The following PID1 variants were observed in gnomAD, a reference collection of about 807,000 sequenced individuals.
PID1 encodes the protein phosphotyrosine interaction domain containing 1.
Under a neutral mutation model 19.1 loss-of-function variants are expected in PID1, and 10 were observed. The observed-to-expected ratio is 0.52, with a 90% CI of 0.32 to 0.89. The LOEUF (loss-of-function observed/expected upper bound fraction) is 0.89. PID1 is among the 40% of genes least tolerant of loss of function. The pLI is 0.03. For missense variants in PID1, 248 were observed against 285.3 expected, an observed-to-expected ratio of 0.87 and a Z score of 0.94; for synonymous variants, 130 against 116.0, an observed-to-expected ratio of 1.12 and a Z score of -0.78.
chr2:229,061,572 T>G lies in PID1; in HGVS notation c.178-35464A>C, dbSNP rs13405193. ...CCAGTTTTGTTCTTTTTGCTCAAGATTGCTTTCACTATTTGGGGTGTTTTA... is the reference window on the plus strand; with the variant it reads ...CCAGTTTTGTTCTTTTTGCTCAAGAGTGCTTTCACTATTTGGGGTGTTTTA... On this transcript the variant is annotated intron_variant, in intron 2 of 2. Coordinates refer to ENST00000392055, the MANE Select transcript of PID1 (RefSeq NM_001100818.2). Among the ~76,000 whole-genome samples, 3 of 151,982 alleles carry G rather than the reference T, an allele frequency of 2.0e-5. No individual in the cohort carries two copies. In the South Asian group the frequency reaches 6.2e-4, roughly 31 times the overall value.
At position 229,127,178 on chromosome 2, in the gene PID1, T is replaced by C. The variant is rs577252731; in HGVS notation, c.177+28640A>G. ...CAAAGTAGGAAATGTTGTTAAGCTG[T>C]GTGTCCAGGAGGAAAGGGGAAAGAA... On this transcript the variant is annotated intron_variant, in intron 2 of 2. Transcript: ENST00000392055. Among the ~76,000 whole-genome samples the C allele has an allele frequency of 2.6e-5, 4 of 152,354 alleles. No homozygotes were observed. In the South Asian group the frequency reaches 8.3e-4, roughly 32 times the overall value.
chr2:229,152,712 C>A (rs1690283105), intron 2 of PID1, among the ~76,000 whole-genome samples: 1 of 151,692 alleles, frequency 6.6e-6, no homozygotes, highest in African/African-American at 2.4e-5. Context: ...ACCCAGCTGC[C>A]CGAAACATGA....
chr2:229,245,225 A>C (rs1221573592), intron 1 of PID1, among the ~76,000 whole-genome samples: 2 of 152,126 alleles, frequency 1.3e-5, no homozygotes, highest in Non-Finnish European at 2.9e-5. Flanking sequence ...TTTGGAGCAC[A>C]TGACTTCATA....
rs74720634 is a variant in PID1, at chr2:229,025,286, C to T, written c.*346G>A. ...AATTTCATAAGGCAGATCGGAATGG[C>T]CCATCCAATAACAGCTGCAGAGTAT... On this transcript the variant is annotated 3_prime_UTR_variant, in exon 3 of 3. Coordinates refer to ENST00000392055, the MANE Select transcript of PID1 (RefSeq NM_001100818.2). 0.012 allele frequency: 3,044 copies of T among 251,560 alleles called. 34 individuals carry two copies. Among genetic ancestry groups the T allele is most frequent in the Middle Eastern group, 0.022 (15 of 680 alleles). The allele number at this position is 251,560 out of a possible 1,614,324, so 15.6% of individuals were successfully genotyped here. A position where few individuals can be genotyped will look rare whatever the true frequency, so the allele number is the denominator to read the frequency against.
intron 1 of PID1, among the ~76,000 whole-genome samples, chr2:229,198,785 A>G (rs1034091254): frequency 6.6e-6 from 1 of 152,042 alleles, no homozygotes; most frequent in Non-Finnish European, 1.5e-5. Flanking sequence ...ACTTTCTCCC[A>G]TGCTATAGCC....
At chr2:229,219,419 A>T (rs1013331902) in intron 1 of PID1, among the ~76,000 whole-genome samples, 3 of 152,190 alleles carry the variant, frequency 2.0e-5, no homozygotes, top group African/African-American at 7.2e-5. Context: ...TGTTGTGAGA[A>T]CTATCACGAG....
intron 2 of PID1, among the ~76,000 whole-genome samples, chr2:229,082,385 G>A (rs1694685135): frequency 6.6e-6 from 1 of 152,326 alleles, no homozygotes; most frequent in Admixed American, 6.5e-5. Context: ...TTACCCCATG[G>A]TGTTACTCCA....
At chr2:229,068,736 A>G (rs1467884206) in intron 2 of PID1, among the ~76,000 whole-genome samples, 3 of 152,214 alleles carry the variant, frequency 2.0e-5, no homozygotes, top group African/African-American at 7.2e-5. Context: ...AGCCGCCCGC[A>G]AGGGTATCCA....
At chr2:229,123,109 A>C (rs2106160059) in intron 2 of PID1, among the ~76,000 whole-genome samples, 1 of 152,248 alleles carries the variant, frequency 6.6e-6, no homozygotes, top group South Asian at 2.1e-4. Flanking sequence ...CATCACCACA[A>C]TCTAATTTTA....
At chr2:229,186,605 C>T (rs901029126) in intron 1 of PID1, among the ~76,000 whole-genome samples, 6 of 152,182 alleles carry the variant, frequency 3.9e-5, no homozygotes, top group African/African-American at 1.4e-4. Flanking sequence ...GCACCAAGTC[C>T]CTAGGCTGCA....
At chr2:229,101,177 G>C (rs1174193884) in intron 2 of PID1, among the ~76,000 whole-genome samples, 3 of 152,224 alleles carry the variant, frequency 2.0e-5, no homozygotes, top group Non-Finnish European at 4.4e-5. Flanking sequence ...TGTCAGGACA[G>C]AGTGGCAAAT....
intron 2 of PID1, among the ~76,000 whole-genome samples, chr2:229,128,716 G>A (rs1689642008): frequency 6.6e-6 from 1 of 152,058 alleles, no homozygotes; most frequent in Admixed American, 6.5e-5. Flanking sequence ...GGGCATTTAT[G>A]TTCATTTTCT....
intron 1 of PID1, among the ~76,000 whole-genome samples, chr2:229,163,648 A>AGT (rs1490061471): frequency 1.5e-3 from 198 of 132,946 alleles, no homozygotes; most frequent in African/African-American, 5.0e-3. Flanking sequence ...GGAGAGAGAG[A>AGT]GAGTGTGTGT....
intron 2 of PID1, among the ~76,000 whole-genome samples, chr2:229,031,347 C>G (rs1474410877): frequency 6.6e-6 from 1 of 151,706 alleles, no homozygotes; most frequent in Non-Finnish European, 1.5e-5. Context: ...CACTTGAGGT[C>G]AGGAGTTCAA....
intron 2 of PID1, among the ~76,000 whole-genome samples, chr2:229,140,473 G>A (rs754073717): frequency 1.4e-5 from 2 of 140,356 alleles, no homozygotes; most frequent in Admixed American, 1.4e-4. Flanking sequence ...CAGATTTAAG[G>A]TAATTAAAAG....
At chr2:229,059,931 T>A (rs1403887353) in intron 2 of PID1, among the ~76,000 whole-genome samples, 1 of 152,094 alleles carries the variant, frequency 6.6e-6, no homozygotes, top group African/African-American at 2.4e-5. Context: ...CAAACAACAC[T>A]TAGAATCAGT....
chr2:229,163,124 A>G (rs981768701), intron 1 of PID1, among the ~76,000 whole-genome samples: 1 of 152,172 alleles, frequency 6.6e-6, no homozygotes, highest in Non-Finnish European at 1.5e-5. Context: ...AACATTTTTC[A>G]TGCTAAGAGT....
At chr2:229,144,457 A>T (rs933315747) in intron 2 of PID1, among the ~76,000 whole-genome samples, 7 of 152,178 alleles carry the variant, frequency 4.6e-5, no homozygotes, top group African/African-American at 1.2e-4. Context: ...TGGAAAATTA[A>T]GTGTAGGTGT....
chr2:229,026,281 A>G (rs905566076), intron 2 of PID1, among the ~76,000 whole-genome samples, 173 bp from the exon 3 acceptor site: 9 of 152,194 alleles, frequency 5.9e-5, no homozygotes, highest in African/African-American at 2.2e-4. Context: ...TTTCTCTCTA[A>G]TGAGTTGCCT....
Sources: gnomAD v4.1 joint callset for allele counts (sites outside exome capture counted in the v4.1 genomes callset) on GRCh38, gnomAD v4.1.1 for gene constraint, MANE v1.5 for transcripts, NCBI Gene and HGNC (gene_info 2026-07-23, HGNC 2026-07-21) for gene names.